Variants in CDA observed in about 807,000 individuals in gnomAD.
CDA encodes the protein cytidine aminohydrolase.
Under a neutral mutation model 15.0 loss-of-function variants are expected in CDA, and 7 were observed. The ratio of observed to expected loss-of-function variants is 0.47; its 90% confidence interval spans 0.26 to 0.87. The LOEUF is 0.87. CDA is among the 40% of genes least tolerant of loss of function. The pLI is 0.15. For synonymous variants in CDA, 58 were observed against 73.0 expected (o/e 0.79, Z 1.05); for missense variants, 159 against 182.7 (o/e 0.87, Z 0.75).
At chr1:20,611,509 T>G (rs2052750394) in intron 2 of CDA, among the ~76,000 whole-genome samples, 1 of 152,068 alleles carries the variant, frequency 6.6e-6, no homozygotes, top group African/African-American at 2.4e-5. Context: ...GCCTCCTGGG[T>G]AGCTGGGACT....
rs760754305 is a variant in CDA, at chr1:20,610,261, C to CTTTTTTTTTTT, written c.267-3579_267-3569dup. ...CTGGCACATTCTAGGCACACATTAT[C>CTTTTTTTTTTT]TTTTTTTTTTTTATTTTATTTTATT... On this transcript the variant is annotated intron_variant, in intron 2 of 3. Transcript: ENST00000375071. 4.0e-4 allele frequency among the ~76,000 whole-genome samples: 25 copies of CTTTTTTTTTTT among 62,926 alleles called. 3 individuals are homozygous for CTTTTTTTTTTT. The highest frequency in any genetic ancestry group is 6.4e-4 in the Non-Finnish European group (15 of 23,338). The allele number at this position is 62,926 out of a possible 152,430, so 41.3% of individuals were successfully genotyped here.
intron 1 of CDA, among the ~76,000 whole-genome samples, chr1:20,589,918 C>G (rs2052533541): frequency 6.6e-6 from 1 of 151,416 alleles, no homozygotes; most frequent in Admixed American, 6.6e-5. Context: ...GTGAGCAGCG[C>G]CCTGCGGGGC....
chr1:20,610,261 C>CTTTTTTTTTTTTTTTTTTTTTTTTTT (rs760754305), intron 2 of CDA, among the ~76,000 whole-genome samples: 14 of 62,958 alleles, frequency 2.2e-4, no homozygotes, highest in African/African-American at 2.8e-4. Context: ...CACACATTAT[C>CTTTTTTTTTTTTTTTTTTTTTTTTTT]TTTTTTTTTT....
chr1:20,617,323 T>G (rs1214954624), intron 3 of CDA, among the ~76,000 whole-genome samples: 1 of 152,216 alleles, frequency 6.6e-6, no homozygotes, highest in Admixed American at 6.5e-5. Context: ...ATGGGCATCA[T>G]GATAGCACCT....
intron 1 of CDA, 62 bp downstream of exon 1, chr1:20,589,345 T>C: frequency 1.3e-6 from 2 of 1,534,700 alleles, no homozygotes; most frequent in South Asian, 1.1e-5. Flanking sequence ...CAGAGGAAGA[T>C]GTACAGGAAG....
chr1:20,614,463 C>T lies in CDA; in HGVS notation c.324+564C>T, dbSNP rs2052784590. 2.0e-5 allele frequency among the ~76,000 whole-genome samples: 3 copies of T among 152,298 alleles called. No individual in the cohort carries two copies. The South Asian group carries it at 6.2e-4, about 32-fold the overall frequency. On this transcript the variant is annotated intron_variant, in intron 3 of 3. Coordinates refer to ENST00000375071, the MANE Select transcript of CDA (RefSeq NM_001785.3). ...ACCTATTGTCCATAGCCACTTTGCC[C>T]TGACACAGCAGAGGTGAGCCATTAC... is the stretch of plus-strand genomic sequence containing the variant.
chr1:20,605,299 C>G (rs991739035), intron 2 of CDA, among the ~76,000 whole-genome samples: 1 of 151,998 alleles, frequency 6.6e-6, no homozygotes, highest in Non-Finnish European at 1.5e-5. Context: ...CCTGTTCCAG[C>G]AACACAACGT....
At chr1:20,609,456 A>G (rs2052726053) in intron 2 of CDA, among the ~76,000 whole-genome samples, 1 of 152,178 alleles carries the variant, frequency 6.6e-6, no homozygotes, top group Non-Finnish European at 1.5e-5. Flanking sequence ...ACTGCACTCC[A>G]GCCTGGGCGA....
Position 20,618,504 on chromosome 1 carries a change from T to A in CDA, c.377T>A (p.Val126Asp). 1.2e-6 allele frequency: 2 copies of A among 1,613,824 alleles called. No individual in the cohort carries two copies. Among genetic ancestry groups the A allele is most frequent in the Non-Finnish European group, 1.7e-6 (2 of 1,179,860 alleles). ...YMTKPDGTYI[V>D]MTVQELLPSS... ...ACCAAGCCGGATGGTACGTATATTG[T>A]CATGACGGTCCAGGAGCTGCTGCCC... is the stretch of plus-strand genomic sequence containing the variant. The change falls in exon 4 of 4, where the codon GTC becomes GAC. Residue 126 changes from valine (V) to aspartate (D), a missense_variant. Transcript: ENST00000375071.
Position 20,605,738 on chromosome 1 carries a change from C to T in CDA, c.266+699C>T, listed in dbSNP as rs1446952658. Among the ~76,000 whole-genome samples the T allele has an allele frequency of 2.5e-5, 3 of 119,504 alleles. 1 individual carries two copies. Among genetic ancestry groups the T allele is most frequent in the Non-Finnish European group, 5.5e-5 (3 of 54,170 alleles). The allele number at this position is 119,504 out of a possible 152,430, so 78.4% of individuals were successfully genotyped here. ...ATTTGGGAGGCTGAGGCAGGAGGAT[C>T]ACTTGAGCCTGGGAGTTCGAGGCTG... On this transcript the variant is annotated intron_variant, in intron 2 of 3. Coordinates refer to ENST00000375071, the MANE Select transcript of CDA (RefSeq NM_001785.3).
At chr1:20,616,719 A>G (rs2052816068) in intron 3 of CDA, among the ~76,000 whole-genome samples, 1 of 152,180 alleles carries the variant, frequency 6.6e-6, no homozygotes, top group Non-Finnish European at 1.5e-5. Flanking sequence ...ACCAAATGCA[A>G]ATGATAAGAG....
chr1:20,618,404 C>T, intron 3 of CDA, 48 bp from the exon 4 acceptor site: 1 of 1,076,150 alleles, frequency 9.3e-7, no homozygotes. Flanking sequence ...CCGTCTCAGC[C>T]CCCTCAGCCA....
intron 1 of CDA, among the ~76,000 whole-genome samples, chr1:20,601,893 C>G (rs892130765): frequency 1.3e-5 from 2 of 152,080 alleles, no homozygotes; most frequent in African/African-American, 4.8e-5. Flanking sequence ...CCTTGAGAGG[C>G]CAAGGTAGGT....
At chr1:20,607,568 G>A (rs555530135) in intron 2 of CDA, among the ~76,000 whole-genome samples, 1 of 152,278 alleles carries the variant, frequency 6.6e-6, no homozygotes, top group Admixed American at 6.5e-5. Flanking sequence ...GGATAATGAT[G>A]CCTTGCTCTA....
chr1:20,604,259 G>T (rs1225605088), intron 1 of CDA, among the ~76,000 whole-genome samples: 3 of 152,160 alleles, frequency 2.0e-5, no homozygotes, highest in African/African-American at 7.2e-5. Context: ...TAACAGAAAT[G>T]TATTGCTCAC....
At chr1:20,618,030 A>G (rs1425078682) in intron 3 of CDA, among the ~76,000 whole-genome samples, 2 of 151,772 alleles carry the variant, frequency 1.3e-5, no homozygotes, top group Non-Finnish European at 2.9e-5. Flanking sequence ...ACCCGGTCTC[A>G]AGTATGTCTT....
chr1:20,604,579 G>A (rs1247324632), intron 1 of CDA, among the ~76,000 whole-genome samples: 2 of 152,106 alleles, frequency 1.3e-5, no homozygotes, highest in Admixed American at 6.5e-5. Context: ...CAGGTGTGGG[G>A]GCTCTACTTA....
intron 3 of CDA, among the ~76,000 whole-genome samples, chr1:20,615,018 T>C (rs1452523993): frequency 1.3e-5 from 2 of 152,002 alleles, no homozygotes; most frequent in South Asian, 2.1e-4. Flanking sequence ...CCAGCTACCA[T>C]GCCCGGCTAA....
intron 2 of CDA, among the ~76,000 whole-genome samples, chr1:20,609,864 G>A (rs768002500): frequency 1.3e-5 from 2 of 152,188 alleles, no homozygotes; most frequent in East Asian, 1.9e-4. Flanking sequence ...TTATGTGCCC[G>A]TGGGTTTTTC....
Sources: gnomAD v4.1 joint callset for allele counts (sites outside exome capture counted in the v4.1 genomes callset) on GRCh38, gnomAD v4.1.1 for gene constraint, MANE v1.5 for transcripts, NCBI Gene and HGNC (gene_info 2026-07-23, HGNC 2026-07-21) for gene names.